Variants in NR6A1 observed in about 807,000 individuals in gnomAD.
The protein encoded by NR6A1 is retinoic acid receptor-related testis-associated receptor.
NR6A1 carries 7 observed loss-of-function variants against 59.1 expected under a neutral mutation model. That is an observed-to-expected ratio of 0.12 (90% CI 0.07 to 0.22). NR6A1 has a LOEUF of 0.22. Ranked by LOEUF, NR6A1 falls within the 10% of genes least tolerant of loss-of-function variation. NR6A1 has a pLI of 1.00. For missense variants in NR6A1, 468 were observed against 611.6 expected, an observed-to-expected ratio of 0.77 and a Z score of 2.48; for synonymous variants, 243 against 236.1, an observed-to-expected ratio of 1.03 and a Z score of -0.27.
chr9:124,744,311 T>C (rs151303013), intron 1 of NR6A1, among the ~76,000 whole-genome samples: 149 of 152,340 alleles, frequency 9.8e-4, no homozygotes, highest in Middle Eastern at 3.4e-3. Context: ...ATGTATACAA[T>C]AATCTGTCAG....
chr9:124,626,320 T>A (rs1466932061), intron 2 of NR6A1, among the ~76,000 whole-genome samples: 1 of 152,196 alleles, frequency 6.6e-6, no homozygotes, highest in East Asian at 1.9e-4. Flanking sequence ...CCTACAGATT[T>A]TGGATTTGCC....
intron 2 of NR6A1, among the ~76,000 whole-genome samples, chr9:124,681,613 T>G (rs1390381997): frequency 6.6e-6 from 1 of 152,176 alleles, no homozygotes; most frequent in East Asian, 1.9e-4. Context: ...GTGCTGGGAT[T>G]ACAGGCGTGA....
At chr9:124,725,934 T>G (rs1459237377) in intron 2 of NR6A1, among the ~76,000 whole-genome samples, 1 of 152,238 alleles carries the variant, frequency 6.6e-6, no homozygotes, top group African/African-American at 2.4e-5. Context: ...AACAGACTTG[T>G]TGACTACAGG....
intron 2 of NR6A1, among the ~76,000 whole-genome samples, chr9:124,724,853 A>G (rs1839664183): frequency 6.6e-6 from 1 of 152,234 alleles, no homozygotes; most frequent in Admixed American, 6.5e-5. Context: ...GAGGCATGAA[A>G]GGAATTAATA....
chr9:124,656,081 AGT>A (rs1198315492), intron 2 of NR6A1, among the ~76,000 whole-genome samples: 1 of 152,082 alleles, frequency 6.6e-6, no homozygotes, highest in African/African-American at 2.4e-5. Flanking sequence ...TGCAGTAGTC[AGT>A]GAGTGCTGGC....
intron 1 of NR6A1, among the ~76,000 whole-genome samples, chr9:124,756,991 GA>G (rs1380366506): frequency 8.7e-6 from 1 of 115,506 alleles, no homozygotes; most frequent in Non-Finnish European, 1.8e-5. Context: ...GAATCAAAAA[GA>G]AAAAAAAAGG....
chr9:124,621,448 A>G (rs1250504231), intron 2 of NR6A1, among the ~76,000 whole-genome samples: 3 of 151,444 alleles, frequency 2.0e-5, no homozygotes, highest in Admixed American at 6.6e-5. Flanking sequence ...TGAGTTTGAG[A>G]CTAGCCTAGG....
intron 2 of NR6A1, among the ~76,000 whole-genome samples, chr9:124,609,288 T>C (rs1448327450): frequency 1.3e-5 from 2 of 152,118 alleles, no homozygotes; most frequent in East Asian, 1.9e-4. Context: ...TTTTTGTCTA[T>C]GATGTAAGGA....
intron 2 of NR6A1, among the ~76,000 whole-genome samples, chr9:124,687,247 A>C (rs1177094712): frequency 6.6e-6 from 1 of 151,122 alleles, no homozygotes; most frequent in Non-Finnish European, 1.5e-5. Context: ...CAGCCTCCTA[A>C]ATAGCTGGGA....
intron 2 of NR6A1, among the ~76,000 whole-genome samples, chr9:124,643,077 T>C: frequency 8.5e-6 from 1 of 117,706 alleles, no homozygotes; most frequent in Admixed American, 1.3e-4. Flanking sequence ...ACCAGTTACA[T>C]GCCTTAACTA....
At chr9:124,688,946 T>C (rs1838430830) in intron 2 of NR6A1, among the ~76,000 whole-genome samples, 1 of 152,214 alleles carries the variant, frequency 6.6e-6, no homozygotes, top group Non-Finnish European at 1.5e-5. Flanking sequence ...GGTACTAATA[T>C]TCTCATTTTA....
chr9:124,596,137 A>C (rs1835263799), intron 2 of NR6A1, among the ~76,000 whole-genome samples: 1 of 152,234 alleles, frequency 6.6e-6, no homozygotes, highest in Non-Finnish European at 1.5e-5. Flanking sequence ...GCAGCATTTT[A>C]AAAGAATTTA....
At position 124,566,904 on chromosome 9, in the gene NR6A1, A is replaced by C. The variant is rs527476262; in HGVS notation, c.143-12334T>G. ...CGGGCGGATCACGAGGTCAGGAGAT[A>C]GAGACCATCCCGGCTAAAACGGTGA... On this transcript the variant is annotated intron_variant, in intron 2 of 9. Transcript: ENST00000487099. 7.1e-3 allele frequency among the ~76,000 whole-genome samples: 1,085 copies of C among 152,134 alleles called. 9 individuals carry two copies. The highest frequency in any genetic ancestry group is 0.021 in the South Asian group (100 of 4,810).
At chr9:124,719,841 A>G (rs993482998) in intron 2 of NR6A1, among the ~76,000 whole-genome samples, 1 of 151,944 alleles carries the variant, frequency 6.6e-6, no homozygotes, top group African/African-American at 2.4e-5. Flanking sequence ...GAACTGCTTG[A>G]GCCCAGGAGG....
At chr9:124,639,044 T>C (rs192588957) in intron 2 of NR6A1, among the ~76,000 whole-genome samples, 7 of 152,178 alleles carry the variant, frequency 4.6e-5, no homozygotes, top group Non-Finnish European at 8.8e-5. Context: ...GTTAACACAA[T>C]TGAGCACTTA....
At chr9:124,708,521 C>T (rs1839195164) in intron 2 of NR6A1, among the ~76,000 whole-genome samples, 2 of 152,180 alleles carry the variant, frequency 1.3e-5, no homozygotes, top group Admixed American at 6.5e-5. Context: ...TGCTTAAATA[C>T]AACTTAATCT....
At chr9:124,586,306 A>G (rs944401831) in intron 2 of NR6A1, among the ~76,000 whole-genome samples, 2 of 152,354 alleles carry the variant, frequency 1.3e-5, no homozygotes, top group East Asian at 1.9e-4. Flanking sequence ...GGAGTTTGGA[A>G]GAAGTTGATT....
At chr9:124,645,645 C>CA (rs1836909560) in intron 2 of NR6A1, among the ~76,000 whole-genome samples, 1 of 152,124 alleles carries the variant, frequency 6.6e-6, no homozygotes, top group African/African-American at 2.4e-5. Context: ...ATACCTGAAG[C>CA]AAAACCTGAT....
chr9:124,604,769 G>A (rs1445568440), intron 2 of NR6A1, among the ~76,000 whole-genome samples: 1 of 151,904 alleles, frequency 6.6e-6, no homozygotes, highest in African/African-American at 2.4e-5. Flanking sequence ...AGCAGAGATC[G>A]TGTCACTGCA....
Sources: gnomAD v4.1 joint callset for allele counts (sites outside exome capture counted in the v4.1 genomes callset) on GRCh38, gnomAD v4.1.1 for gene constraint, MANE v1.5 for transcripts, NCBI Gene and HGNC (gene_info 2026-07-23, HGNC 2026-07-21) for gene names.